The following RBMS3 variants were observed in gnomAD, a reference collection of about 807,000 sequenced individuals.
RBMS3 encodes the protein RNA-binding motif, single-stranded-interacting protein 3.
RBMS3 carries 27 observed loss-of-function variants against 66.8 expected under a neutral mutation model. That is an observed-to-expected ratio of 0.40 (90% CI 0.30 to 0.56). The LOEUF (loss-of-function observed/expected upper bound fraction) is 0.56. Ranked by LOEUF, RBMS3 falls within the 20% of genes least tolerant of loss-of-function variation. RBMS3 has a pLI of 0.40. For synonymous variants in RBMS3, 188 were observed against 183.0 expected (o/e 1.03, Z -0.22); for missense variants, 513 against 549.5 (o/e 0.93, Z 0.66).
At chr3:29,556,444 A>C (rs145148876) in intron 3 of RBMS3, 1 of 152,400 alleles carries the variant, frequency 6.6e-6, no homozygotes, top group Non-Finnish European at 1.5e-5. Context: ...TCTACTAAAA[A>C]TATAAAATGT....
In RBMS3 at chr3:29,968,947, G is replaced by T. The variant is rs115804993; in HGVS notation, c.1099-19196G>T. ...ATGGATATTTAATTGTAAGACAGACGCAGAGTGATGGTGGTCATTCTCCAT... is the reference window on the plus strand; with the variant it reads ...ATGGATATTTAATTGTAAGACAGACTCAGAGTGATGGTGGTCATTCTCCAT... On this transcript the variant is annotated intron_variant, in intron 12 of 14. Transcript: ENST00000383767. 2.2e-3 allele frequency among the ~76,000 whole-genome samples: 338 copies of T among 152,296 alleles called. 1 individual carries two copies. Among genetic ancestry groups the T allele is most frequent in the African/African-American group, 7.7e-3 (318 of 41,566 alleles).
intron 6 of RBMS3, chr3:29,767,395 C>T (rs188592799): frequency 1.3e-5 from 2 of 152,060 alleles, no homozygotes; most frequent in African/African-American, 4.8e-5. Context: ...GCTTTCCTTA[C>T]TCTTTACATA....
At chr3:29,303,741 G>T (rs2033827542) in intron 1 of RBMS3, among the ~76,000 whole-genome samples, 1 of 151,946 alleles carries the variant, frequency 6.6e-6, no homozygotes, top group South Asian at 2.1e-4. Context: ...TAATAAAGGG[G>T]AATAGAGAAA....
intron 3 of RBMS3, among the ~76,000 whole-genome samples, chr3:29,561,722 A>C (rs557346522): frequency 1.3e-4 from 20 of 152,258 alleles, no homozygotes; most frequent in African/African-American, 4.8e-4. Flanking sequence ...AAGTGCTAGG[A>C]TTACAGGCAT....
intron 1 of RBMS3, among the ~76,000 whole-genome samples, chr3:29,302,630 T>A (rs1361707112): frequency 6.6e-6 from 1 of 152,038 alleles, no homozygotes; most frequent in Admixed American, 6.6e-5. Flanking sequence ...ACTTAATCAG[T>A]AATTTTAAAA....
At chr3:29,297,405 A>G (rs2033348386) in intron 1 of RBMS3, among the ~76,000 whole-genome samples, 1 of 151,808 alleles carries the variant, frequency 6.6e-6, no homozygotes, top group Non-Finnish European at 1.5e-5. Flanking sequence ...CTTGGAATTG[A>G]CTTGATACGT....
chr3:29,304,178 A>T (rs1025719310), intron 1 of RBMS3, among the ~76,000 whole-genome samples: 3 of 151,956 alleles, frequency 2.0e-5, no homozygotes, highest in African/African-American at 7.2e-5. Context: ...AGAAAAAAAG[A>T]TCATAAAAAC....
At chr3:29,316,408 A>G (rs1032172860) in intron 1 of RBMS3, among the ~76,000 whole-genome samples, 3 of 151,738 alleles carry the variant, frequency 2.0e-5, no homozygotes, top group Non-Finnish European at 4.4e-5. Context: ...TAGCAAAGAT[A>G]ACACTCTTCT....
intron 4 of RBMS3, among the ~76,000 whole-genome samples, chr3:29,666,707 C>T (rs115761422): frequency 0.021 from 3,264 of 152,172 alleles, 56 homozygotes; most frequent in Non-Finnish European, 0.028. Flanking sequence ...TTTGCATCAT[C>T]GGCATTAATT....
intron 10 of RBMS3, among the ~76,000 whole-genome samples, chr3:29,930,958 C>G (rs1458711592): frequency 6.6e-6 from 1 of 152,200 alleles, no homozygotes; most frequent in African/African-American, 2.4e-5. Context: ...TTCTAACTAA[C>G]TACTTTTTGA....
At chr3:29,553,294 G>A (rs2046237713) in intron 3 of RBMS3, among the ~76,000 whole-genome samples, 1 of 152,184 alleles carries the variant, frequency 6.6e-6, no homozygotes, top group Non-Finnish European at 1.5e-5. Context: ...GAGATTTGCA[G>A]TTGAAGTTTA....
intron 4 of RBMS3, among the ~76,000 whole-genome samples, chr3:29,709,810 T>A (rs1461170976): frequency 6.6e-6 from 1 of 152,218 alleles, no homozygotes; most frequent in East Asian, 1.9e-4. Flanking sequence ...ATATTTATAT[T>A]TAATTCTTCC....
chr3:29,890,285 G>C (rs2059968565), intron 8 of RBMS3, among the ~76,000 whole-genome samples: 1 of 151,564 alleles, frequency 6.6e-6, no homozygotes, highest in Non-Finnish European at 1.5e-5. Flanking sequence ...GCCTTTTAGA[G>C]GTGTGGAAGC....
intron 12 of RBMS3, among the ~76,000 whole-genome samples, chr3:29,949,270 G>C (rs1453229273): frequency 6.6e-6 from 1 of 151,574 alleles, no homozygotes; most frequent in Non-Finnish European, 1.5e-5. Flanking sequence ...TTCTAATCCA[G>C]CAAGCATTTC....
chr3:29,504,020 A>G (rs745484428), intron 3 of RBMS3, among the ~76,000 whole-genome samples: 30 of 152,134 alleles, frequency 2.0e-4, no homozygotes, highest in Non-Finnish European at 4.0e-4. Flanking sequence ...CAGTTTGTAG[A>G]TGATTGTGTT....
At chr3:29,372,255 G>A (rs978305664) in intron 1 of RBMS3, among the ~76,000 whole-genome samples, 12 of 152,090 alleles carry the variant, frequency 7.9e-5, no homozygotes, top group African/African-American at 2.2e-4. Context: ...GTTTGAACCC[G>A]GGTCGTGGAG....
At chr3:29,352,111 A>G (rs1291681152) in intron 1 of RBMS3, among the ~76,000 whole-genome samples, 1 of 152,008 alleles carries the variant, frequency 6.6e-6, no homozygotes, top group Non-Finnish European at 1.5e-5. Flanking sequence ...CTCTTCTCCA[A>G]AAAAGAGTAT....
At chr3:29,941,548 T>G (rs1449289) in intron 11 of RBMS3, among the ~76,000 whole-genome samples, 128,941 of 151,786 alleles carry the variant, frequency 0.85, 55,214 homozygotes, top group East Asian at 0.95. Context: ...TAGTCTTACT[T>G]TAAAATGAAA....
At position 29,434,727 on chromosome 3, in the gene RBMS3, C is replaced by T. The variant is rs1382058785; in HGVS notation, c.76-16C>T. 6.2e-7 allele frequency: 1 copy of T among 1,603,204 alleles called. No individual in the cohort carries two copies. The highest frequency in any genetic ancestry group is 8.5e-7 in the Non-Finnish European group (1 of 1,174,482). ...CTGGCTTTTGTTTTTCCAGTAACAG[C>T]TTTTTCTGTTTCCAGCAGTCCTATG... On this transcript the variant is annotated splice_polypyrimidine_tract_variant and intron_variant, in intron 1 of 14. Transcript: ENST00000383767.
Sources: gnomAD v4.1 joint callset for allele counts (sites outside exome capture counted in the v4.1 genomes callset) on GRCh38, gnomAD v4.1.1 for gene constraint, MANE v1.5 for transcripts, NCBI Gene and HGNC (gene_info 2026-07-23, HGNC 2026-07-21) for gene names.